Variants in DOCK9 observed in about 807,000 individuals in gnomAD.
The protein encoded by DOCK9 is dedicator of cytokinesis 9.
Under a neutral mutation model 263.3 loss-of-function variants are expected in DOCK9, and 89 were observed. That is an observed-to-expected ratio of 0.34 (90% CI 0.28 to 0.40). The LOEUF is 0.40. DOCK9 is among the 10% of genes least tolerant of loss of function. DOCK9 has a pLI of 1.00. For missense variants in DOCK9, 2,140 were observed against 2,603.4 expected, an observed-to-expected ratio of 0.82 and a Z score of 3.87; for synonymous variants, 976 against 973.1, an observed-to-expected ratio of 1.00 and a Z score of -0.06.
intron 45 of DOCK9, among the ~76,000 whole-genome samples, chr13:98,817,986 C>T (rs2092009706): frequency 6.6e-6 from 1 of 151,990 alleles, no homozygotes; most frequent in African/African-American, 2.4e-5. Flanking sequence ...GACTCAGAGG[C>T]CATTCAAATT....
At chr13:98,827,699 C>T (rs1446081690) in intron 43 of DOCK9, among the ~76,000 whole-genome samples, 4 of 152,212 alleles carry the variant, frequency 2.6e-5, no homozygotes, top group Non-Finnish European at 5.9e-5. Flanking sequence ...ATGTACTGTC[C>T]AGTCCTCGGA....
intron 32 of DOCK9, among the ~76,000 whole-genome samples, chr13:98,861,995 T>C (rs2093885389): frequency 6.6e-6 from 1 of 152,220 alleles, no homozygotes; most frequent in African/African-American, 2.4e-5. Flanking sequence ...GGGGCTACCA[T>C]GACCTCTTCC....
chr13:98,808,805 AT>A, intron 47 of DOCK9: 1 of 702,786 alleles, frequency 1.4e-6, no homozygotes, highest in South Asian at 2.1e-5. Context: ...GAAGGTTAAA[AT>A]TTAAGTTAAA....
Position 98,805,034 on chromosome 13 carries a change from AC to A in DOCK9, c.5689del (p.Val1897TrpfsTer11). On this transcript the variant is annotated frameshift_variant, in exon 49 of 53. Transcript: ENST00000682017. LOFTEE classifies it high-confidence loss of function. ...FTQTGKRQGG[V>X]EEQCKRRTIL... is the part of the protein sequence containing the mutation. ...GGTGCGCCGTTTGCACTGCTCTTCC[AC>A]CCCGCCCTGCCTCTTCCCGGTCTGC... The A allele has an allele frequency of 6.2e-7, 1 of 1,608,108 alleles. No individual in the cohort carries two copies. The highest frequency in any genetic ancestry group is 1.7e-5 in the Admixed American group (1 of 59,222).
chr13:99,078,090 G>A (rs2142439944), intron 1 of DOCK9, among the ~76,000 whole-genome samples: 1 of 152,244 alleles, frequency 6.6e-6, no homozygotes, highest in South Asian at 2.1e-4. Flanking sequence ...CCTAACTTGG[G>A]ATGAAAAGTG....
chr13:98,966,722 C>T (rs1432203102), intron 1 of DOCK9, among the ~76,000 whole-genome samples: 1 of 152,180 alleles, frequency 6.6e-6, no homozygotes, highest in Non-Finnish European at 1.5e-5. Context: ...ACACATAGTT[C>T]ACAAAACAGT....
At chr13:98,944,958 A>G (rs994878072) in intron 2 of DOCK9, among the ~76,000 whole-genome samples, 1 of 152,240 alleles carries the variant, frequency 6.6e-6, no homozygotes, top group African/African-American at 2.4e-5. Flanking sequence ...GGAAAATAAC[A>G]CTGAATTTGC....
rs575324005 is a variant in DOCK9 at position 98,837,272 on chromosome 13, C to T, written c.4314+222G>A. Among the ~76,000 whole-genome samples the T allele has an allele frequency of 1.2e-4, 18 of 152,230 alleles. No individual in the cohort carries two copies. In the East Asian group the frequency reaches 1.7e-3, roughly 15 times the overall value. On this transcript the variant is annotated intron_variant, in intron 39 of 52. Transcript: ENST00000682017. ...ACCGTGTTTCCACCATACCCAAGCG[C>T]GCAGCACACACTGACCAGTTAAATT...
intron 1 of DOCK9, among the ~76,000 whole-genome samples, chr13:98,994,970 T>C (rs1295776183): frequency 2.0e-5 from 3 of 152,214 alleles, no homozygotes; most frequent in Non-Finnish European, 2.9e-5. Context: ...TCTAAGTTCG[T>C]GAGGTATGGT....
At chr13:99,021,496 G>C (rs757618522) in intron 1 of DOCK9, among the ~76,000 whole-genome samples, 1 of 152,000 alleles carries the variant, frequency 6.6e-6, no homozygotes, top group East Asian at 1.9e-4. Flanking sequence ...AAAATTAGCC[G>C]GGCGTGGTGG....
intron 2 of DOCK9, among the ~76,000 whole-genome samples, chr13:98,940,921 C>CA (rs2055726208): frequency 6.6e-6 from 1 of 152,182 alleles, no homozygotes; most frequent in Non-Finnish European, 1.5e-5. Context: ...CATCATGCCT[C>CA]AGCTGAAATT....
chr13:98,878,860 C>G (rs887959015), intron 27 of DOCK9, among the ~76,000 whole-genome samples: 2 of 152,194 alleles, frequency 1.3e-5, no homozygotes, highest in African/African-American at 2.4e-5. Flanking sequence ...AAGGCTTCCT[C>G]GGAGAGCCCA....
At chr13:99,073,385 CCTCT>C (rs922775206) in intron 1 of DOCK9, among the ~76,000 whole-genome samples, 19 of 149,788 alleles carry the variant, frequency 1.3e-4, no homozygotes, top group Non-Finnish European at 2.1e-4. Flanking sequence ...CTCTCTCTCT[CCTCT>C]CTCTCTCTCT....
intron 1 of DOCK9, among the ~76,000 whole-genome samples, chr13:98,999,316 A>ACACACACACACACTCTCT: frequency 0.067 from 9,279 of 137,946 alleles, 394 homozygotes; most frequent in African/African-American, 0.082. Flanking sequence ...ACACACACAC[A>ACACACACACACACTCTCT]CTCTCTCTCT....
intron 47 of DOCK9, chr13:98,808,701 A>G: frequency 6.7e-7 from 1 of 1,494,996 alleles, no homozygotes; most frequent in Non-Finnish European, 9.3e-7. Context: ...AGACAATAAC[A>G]GAATAAATTG....
chr13:98,858,747 C>T (rs2093769316), intron 33 of DOCK9: 1 of 152,184 alleles, frequency 6.6e-6, no homozygotes, highest in African/African-American at 2.4e-5. Flanking sequence ...GTTTCAAGTA[C>T]TTTTCACAGC....
intron 1 of DOCK9, among the ~76,000 whole-genome samples, chr13:99,073,332 CTTCT>C (rs972496909): frequency 6.7e-5 from 10 of 149,568 alleles, no homozygotes; most frequent in Non-Finnish European, 1.2e-4. Context: ...TCTTCTCTCT[CTTCT>C]TTCTCTCCTC....
intron 38 of DOCK9, among the ~76,000 whole-genome samples, chr13:98,839,319 A>G (rs2093124698): frequency 6.6e-6 from 1 of 152,198 alleles, no homozygotes; most frequent in Non-Finnish European, 1.5e-5. Context: ...TACTAATGTT[A>G]CTTGTACTGC....
intron 29 of DOCK9, among the ~76,000 whole-genome samples, 182 bp from the exon 30 acceptor site, chr13:98,867,718 A>G (rs2094071431): frequency 6.6e-6 from 1 of 152,208 alleles, no homozygotes; most frequent in African/African-American, 2.4e-5. Context: ...AAAACTAAGG[A>G]CACATTTCAA....
Sources: allele counts gnomAD v4.1 joint callset (sites outside exome capture counted in the v4.1 genomes callset), GRCh38; gene constraint gnomAD v4.1.1; transcripts MANE v1.5; gene names NCBI Gene and HGNC (gene_info 2026-07-23, HGNC 2026-07-21).